C18orf54: variants seen among roughly 807,000 people sequenced by gnomAD.
C18orf54 encodes lung adenoma susceptibility protein 2.
In C18orf54, 49 loss-of-function variants were observed where a neutral mutation model predicts 49.3. The ratio of observed to expected loss-of-function variants is 0.99; its 90% CI spans 0.79 to 1.26. The LOEUF is 1.26. C18orf54 is among the 50% of genes most tolerant of loss of function. The probability of loss-of-function intolerance (pLI) is 0.00; values close to 1 mark genes in which losing one functional copy is unlikely to be tolerated. For missense variants in C18orf54, 687 were observed against 620.6 expected (o/e 1.11, Z -1.14); for synonymous variants, 211 against 216.6 (o/e 0.97, Z 0.23).
At chr18:54,361,020 G>A (rs533627659) in intron 3 of C18orf54, among the ~76,000 whole-genome samples, 165 bp downstream of exon 3, 1 of 152,258 alleles carries the variant, frequency 6.6e-6, no homozygotes, top group Admixed American at 6.5e-5. Context: ...ATTCTCTGTG[G>A]AACAGTAATA....
chr18:54,371,152 C>T (rs1002824189), intron 6 of C18orf54, among the ~76,000 whole-genome samples: 15 of 152,096 alleles, frequency 9.9e-5, no homozygotes, highest in African/African-American at 3.4e-4. Context: ...TCCCTATTTC[C>T]CCCTCTCCCT....
At chr18:54,374,147 C>T in intron 7 of C18orf54, 67 bp from the exon 8 acceptor site, 2 of 1,213,136 alleles carry the variant, frequency 1.6e-6, no homozygotes, top group Non-Finnish European at 2.3e-6. Flanking sequence ...ATCACATTTT[C>T]AATACCATTT....
At chr18:54,370,348 A>T (rs1034443676) in intron 6 of C18orf54, among the ~76,000 whole-genome samples, 1 of 152,076 alleles carries the variant, frequency 6.6e-6, no homozygotes, top group Non-Finnish European at 1.5e-5. Context: ...AGTATTTATT[A>T]TCAGTAATCT....
chr18:54,367,354 G>T (rs1038985065), intron 6 of C18orf54, among the ~76,000 whole-genome samples: 1 of 151,918 alleles, frequency 6.6e-6, no homozygotes, highest in African/African-American at 2.4e-5. Context: ...TTTCATGATG[G>T]TGCTTATCTT....
chr18:54,374,717 T>C (rs559796498), intron 8 of C18orf54, among the ~76,000 whole-genome samples: 2 of 152,064 alleles, frequency 1.3e-5, no homozygotes, highest in African/African-American at 4.8e-5. Flanking sequence ...ATAGGTCTAA[T>C]TTTCTTAGTT....
Position 54,362,906 on chromosome 18 carries a change from A to G in C18orf54, c.1208A>G (p.Asn403Ser), listed in dbSNP as rs1351043923. The change falls in exon 5 of 9, where the codon AAT (asparagine) becomes AGT (serine). Residue 403 changes from asparagine (N) to serine (S), a missense_variant. Coordinates refer to ENST00000620105, the MANE Select transcript of C18orf54 (RefSeq NM_001288980.2). ...CTTGAAGCAGACAGATCATGGGAAAATATTCCTGTTACTTTGTAAGTAAGT... is the reference window on the plus strand; with the variant it reads ...CTTGAAGCAGACAGATCATGGGAAAGTATTCCTGTTACTTTGTAAGTAAGT... The part of the protein sequence containing the change: ...DKLEADRSWE[N>S]IPVTFKSPVP... 2 of 1,596,366 alleles carry G rather than the reference A, an allele frequency of 1.3e-6. No individual in the cohort carries two copies. Among genetic ancestry groups the G allele is most frequent in the Admixed American group, 1.9e-5 (1 of 53,738 alleles).
Position 54,372,472 on chromosome 18 carries a change from A to G in C18orf54, c.1333A>G (p.Thr445Ala). The change falls in exon 7 of 9, where the codon ACT (threonine) becomes GCT (alanine). Residue 445 changes from threonine (T) to alanine (A), a missense_variant. Coordinates refer to ENST00000620105, the MANE Select transcript of C18orf54 (RefSeq NM_001288980.2). Reference protein sequence around the residue: ...DFLNNDNQSCTLSGGKHHGPV... With the variant: ...DFLNNDNQSCALSGGKHHGPV... ...TCATCTGTTTTAACCTTAGAGCTGT[A>G]CTCTCTCTGGAGGCAAACATCATGG... The G allele has an allele frequency of 1.2e-6, 2 of 1,605,168 alleles. No homozygotes were observed. The highest frequency in any genetic ancestry group is 1.1e-5 in the South Asian group (1 of 88,802).
chr18:54,362,842 T>G lies in C18orf54; in HGVS notation c.1144T>G (p.Ser382Ala). The G allele has an allele frequency of 6.2e-7, 1 of 1,612,392 alleles. No homozygotes were observed. The highest frequency in any genetic ancestry group is 8.5e-7 in the Non-Finnish European group (1 of 1,179,586). ...LEQCTEELPK[S>A]MKKDDSPCSL... is the part of the protein sequence containing the mutation. ...GCAGTGTACTGAAGAATTACCAAAG[T>G]CCATGAAAAAGGATGACAGTCCTTG... The change falls in exon 5 of 9, where the codon TCC (serine) becomes GCC (alanine). Residue 382 changes from serine (S) to alanine (A), a missense_variant. By Grantham distance (99) the Ser-to-Ala change is moderately conservative. Transcript: ENST00000620105.
chr18:54,362,545 A>T, intron 4 of C18orf54, 114 bp downstream of exon 4: 1 of 990,252 alleles, frequency 1.0e-6, no homozygotes, highest in Non-Finnish European at 1.4e-6. Flanking sequence ...TTCATGTAAT[A>T]CATCTTTTTG....
At position 54,379,715 on chromosome 18, in the gene C18orf54, T is replaced by G. The variant is rs915428744; in HGVS notation, c.*1469T>G. The G allele has an allele frequency of 5.3e-5, 8 of 152,078 alleles. No individual in the cohort carries two copies. The highest frequency in any genetic ancestry group is 1.9e-4 in the African/African-American group (8 of 41,516). The allele number at this position is 152,078 out of a possible 1,614,324, so 9.4% of individuals were successfully genotyped here. A position where few individuals can be genotyped will look rare whatever the true frequency, so the allele number is the denominator to read the frequency against. On this transcript the variant is annotated 3_prime_UTR_variant, in exon 9 of 9. Transcript: ENST00000620105. ...TATGCCTGGCTATTAAAAATGCAGATTTTAGGTGGGTAAACATCAGGTAGG... is the reference window on the plus strand; with the variant it reads ...TATGCCTGGCTATTAAAAATGCAGAGTTTAGGTGGGTAAACATCAGGTAGG...
At position 54,380,649 on chromosome 18, in the gene C18orf54, A is replaced by G. The variant is rs1223716282; in HGVS notation, c.*2403A>G. ...GTTTGTTTTGGGTATATGTCATTAT[A>G]GTTATGTTATTTCTTGTTGAAATTT... is the stretch of plus-strand genomic sequence containing the variant. On this transcript the variant is annotated 3_prime_UTR_variant, in exon 9 of 9. Transcript: ENST00000620105. 3.9e-5 allele frequency: 6 copies of G among 152,088 alleles called. No homozygotes were observed. Among genetic ancestry groups the G allele is most frequent in the African/African-American group, 1.4e-4 (6 of 41,436 alleles). The allele number at this position is 152,088 out of a possible 1,614,324, so 9.4% of individuals were successfully genotyped here. A position where few individuals can be genotyped will look rare whatever the true frequency, so the allele number is the denominator to read the frequency against.
chr18:54,362,860 A>G lies in C18orf54; in HGVS notation c.1162A>G (p.Ser388Gly), dbSNP rs369589214. ...ACCAAAGTCCATGAAAAAGGATGAC[A>G]GTCCTTGCTCATTAGATAAACTTGA... is the stretch of plus-strand genomic sequence containing the variant. ...ELPKSMKKDD[S>G]PCSLDKLEAD... The change falls in exon 5 of 9, where the codon AGT (serine) becomes GGT (glycine). Residue 388 changes from serine (S) to glycine (G), a missense_variant. By Grantham distance (56) the Ser-to-Gly change is moderately conservative (BLOSUM62 0). Transcript: ENST00000620105. The G allele has an allele frequency of 9.3e-6, 15 of 1,612,358 alleles. No homozygotes were observed. The African/African-American group carries it at 1.9e-4, about 20-fold the overall frequency.
chr18:54,365,775 A>G lies in C18orf54; in HGVS notation c.1280A>G (p.Lys427Arg). 6.2e-7 allele frequency: 1 copy of G among 1,600,826 alleles called. No individual in the cohort carries two copies. The highest frequency in any genetic ancestry group is 8.5e-7 in the Non-Finnish European group (1 of 1,171,210). ...DDSPQQTSRAKSAKGVLEDFL... is the reference protein window; with the variant it reads ...DDSPQQTSRARSAKGVLEDFL... ...AGTCCTCAACAAACTTCAAGGGCAA[A>G]GAGTGCTAAAGGGGTTCTTGAAGAC... Residue 427 changes from lysine to arginine, a missense_variant, in exon 6 of 9, where the codon AAG becomes AGG. Lys to Arg is a conservative substitution (Grantham distance 26, BLOSUM62 2). Transcript: ENST00000620105.
Position 54,380,064 on chromosome 18 carries a change from A to G in C18orf54, c.*1818A>G, listed in dbSNP as rs1406349481. ...AATATGGAGAGGTTTAATCCTTTAC[A>G]TAACAAAGGAATTAATTTTAGCAAA... On this transcript the variant is annotated 3_prime_UTR_variant, in exon 9 of 9. Transcript: ENST00000620105. 2.6e-5 allele frequency: 4 copies of G among 152,146 alleles called. No individual in the cohort carries two copies. The highest frequency in any genetic ancestry group is 9.6e-5 in the African/African-American group (4 of 41,464). The allele number at this position is 152,146 out of a possible 1,614,324, so 9.4% of individuals were successfully genotyped here.
At chr18:54,373,358 A>T (rs766240033) in intron 7 of C18orf54, among the ~76,000 whole-genome samples, 1 of 151,806 alleles carries the variant, frequency 6.6e-6, no homozygotes, top group Non-Finnish European at 1.5e-5. Context: ...AAACATCATG[A>T]AATGGCTAAG....
intron 4 of C18orf54, 109 bp from the exon 5 acceptor site, chr18:54,362,662 G>T: frequency 1.9e-6 from 2 of 1,038,030 alleles, no homozygotes; most frequent in Admixed American, 3.2e-5. Context: ...TGCTGTTATA[G>T]ATGAATGTAC....
rs753148488 is a variant in C18orf54, at chr18:54,361,741, C to G, written c.382C>G (p.Leu128Val). The G allele has an allele frequency of 3.1e-6, 5 of 1,614,058 alleles. No homozygotes were observed. Among genetic ancestry groups the G allele is most frequent in the Middle Eastern group, 1.7e-4 (1 of 6,060 alleles). ...CTCCATGAGCCTAACAACTGATGAT[C>G]TATTAAGACTCCCAGCAGATGGATC... Reference protein sequence around the residue: ...IDSMSLTTDDLLRLPADGSFS... With the variant: ...IDSMSLTTDDVLRLPADGSFS... The change falls in exon 4 of 9, where the codon CTA becomes GTA. Residue 128 changes from leucine to valine, a missense_variant. Physicochemically the swap from Leu to Val is conservative, Grantham distance 32. Coordinates refer to ENST00000620105, the MANE Select transcript of C18orf54 (RefSeq NM_001288980.2).
intron 8 of C18orf54, among the ~76,000 whole-genome samples, chr18:54,375,929 T>G (rs1413281467): frequency 6.6e-6 from 1 of 152,212 alleles, no homozygotes; most frequent in African/African-American, 2.4e-5. Flanking sequence ...GTCTGTAGAT[T>G]AACTGTTTTA....
intron 5 of C18orf54, among the ~76,000 whole-genome samples, chr18:54,363,443 C>A (rs2089313117): frequency 1.3e-5 from 2 of 151,872 alleles, no homozygotes; most frequent in African/African-American, 4.8e-5. Context: ...TCAGCCTCCC[C>A]AGTAGGTGGG....
Sources: gnomAD v4.1 joint callset for allele counts (sites outside exome capture counted in the v4.1 genomes callset) on GRCh38, gnomAD v4.1.1 for gene constraint, MANE v1.5 for transcripts, NCBI Gene and HGNC (gene_info 2026-07-23, HGNC 2026-07-21) for gene names.